Variants in SBF2 observed in about 807,000 individuals in gnomAD.
SBF2 encodes the protein SET binding factor 2, also known as myotubularin-related protein 13.
A neutral mutation model predicts 225.2 loss-of-function variants in SBF2; 112 were observed. That is an observed-to-expected ratio of 0.50 (90% CI 0.43 to 0.58). The LOEUF (loss-of-function observed/expected upper bound fraction) is 0.58. Ranked by LOEUF, SBF2 falls within the 20% of genes least tolerant of loss-of-function variation. The pLI is 0.00. For synonymous variants in SBF2, 763 were observed against 773.3 expected (o/e 0.99, Z 0.22); for missense variants, 1,996 against 2,206.2 (o/e 0.90, Z 1.91).
chr11:10,066,354 A>G (rs1214792279), intron 2 of SBF2, among the ~76,000 whole-genome samples: 2 of 151,152 alleles, frequency 1.3e-5, no homozygotes, highest in Admixed American at 6.6e-5. Flanking sequence ...CTATATATAT[A>G]TATCTTTTAT....
At chr11:10,072,303 A>T (rs1263428135) in intron 2 of SBF2, among the ~76,000 whole-genome samples, 2 of 152,192 alleles carry the variant, frequency 1.3e-5, no homozygotes, top group Admixed American at 6.5e-5. Context: ...CATGACTCAT[A>T]TCAAGGATTT....
chr11:9,927,470 T>A (rs1565014926), intron 16 of SBF2, among the ~76,000 whole-genome samples: 1 of 152,296 alleles, frequency 6.6e-6, no homozygotes, highest in African/African-American at 2.4e-5. Context: ...TGCAGTACTA[T>A]GTGCCTATAG....
At chr11:9,828,696 C>A in intron 28 of SBF2, 1 of 928,410 alleles carries the variant, frequency 1.1e-6, no homozygotes, top group South Asian at 5.0e-5. Context: ...ACAAATTGTA[C>A]TGAAAATCAT....
chr11:10,264,519 C>T (rs534563400), intron 1 of SBF2, among the ~76,000 whole-genome samples: 1 of 151,910 alleles, frequency 6.6e-6, no homozygotes, highest in South Asian at 2.1e-4. Flanking sequence ...GGTATTTTGC[C>T]AGGTACTACA....
chr11:9,802,660 A>G (rs536233004), intron 32 of SBF2, among the ~76,000 whole-genome samples: 1 of 152,350 alleles, frequency 6.6e-6, no homozygotes, highest in South Asian at 2.1e-4. Flanking sequence ...TAAAAGCCAG[A>G]GTCATGTAAA....
chr11:10,130,977 T>C (rs970553344), intron 2 of SBF2, among the ~76,000 whole-genome samples: 3 of 152,224 alleles, frequency 2.0e-5, no homozygotes, highest in South Asian at 2.1e-4. Flanking sequence ...TTTTGGGCCA[T>C]TGAAAATAAA....
chr11:10,047,352 A>G (rs1034917607), intron 2 of SBF2, among the ~76,000 whole-genome samples: 6 of 152,170 alleles, frequency 3.9e-5, no homozygotes, highest in Non-Finnish European at 8.8e-5. Context: ...GACTGACACT[A>G]CCAAACTTTG....
intron 1 of SBF2, among the ~76,000 whole-genome samples, chr11:10,265,246 T>G (rs1434739096): frequency 6.6e-6 from 1 of 152,140 alleles, no homozygotes; most frequent in East Asian, 1.9e-4. Flanking sequence ...AGCATTCTGT[T>G]GTTTCTTGAC....
intron 27 of SBF2, among the ~76,000 whole-genome samples, chr11:9,830,018 T>C (rs1855292486): frequency 6.6e-6 from 1 of 152,178 alleles, no homozygotes; most frequent in Non-Finnish European, 1.5e-5. Flanking sequence ...CTATAAAGAT[T>C]TGTAGAGGGA....
chr11:10,166,630 T>C (rs1955961181), intron 2 of SBF2, among the ~76,000 whole-genome samples: 1 of 151,992 alleles, frequency 6.6e-6, no homozygotes, highest in Non-Finnish European at 1.5e-5. Flanking sequence ...AGGGGGAAAA[T>C]CCCTGGTATC....
At chr11:9,947,341 C>CT (rs1865621652) in intron 16 of SBF2, among the ~76,000 whole-genome samples, 1 of 152,110 alleles carries the variant, frequency 6.6e-6, no homozygotes, top group Admixed American at 6.6e-5. Flanking sequence ...TATGACCGCT[C>CT]TAAAAGATAA....
intron 2 of SBF2, among the ~76,000 whole-genome samples, chr11:10,049,854 A>C (rs1187101510): frequency 6.6e-6 from 1 of 152,190 alleles, no homozygotes; most frequent in East Asian, 1.9e-4. Flanking sequence ...AAAGCCAAAA[A>C]TATCTTTCAA....
At chr11:9,967,974 TATATATATATATATATAAA>T (rs200491856) in intron 14 of SBF2, among the ~76,000 whole-genome samples, 2,607 of 87,188 alleles carry the variant, frequency 0.03, 107 homozygotes, top group Admixed American at 0.15. Flanking sequence ...TCTCTCTCTA[TATATATATATATATATAAA>T]ATATATATAT....
chr11:9,882,107 C>A (rs1358150580), intron 17 of SBF2, among the ~76,000 whole-genome samples: 1 of 152,170 alleles, frequency 6.6e-6, no homozygotes, highest in African/African-American at 2.4e-5. Context: ...AAAACAGTTA[C>A]TTAGTAAAGA....
chr11:9,925,518 C>T (rs754893311), intron 16 of SBF2, among the ~76,000 whole-genome samples: 96 of 152,286 alleles, frequency 6.3e-4, no homozygotes, highest in Non-Finnish European at 4.9e-4. Flanking sequence ...TCAGGTGATC[C>T]GCCCACCTGG....
intron 38 of SBF2, among the ~76,000 whole-genome samples, chr11:9,783,386 C>G (rs550633857): frequency 3.3e-4 from 50 of 152,328 alleles, no homozygotes; most frequent in Admixed American, 4.6e-4. Flanking sequence ...AGATGCAGGT[C>G]CAACCAAAGC....
intron 2 of SBF2, among the ~76,000 whole-genome samples, chr11:10,164,140 CATATTGTCACCATCTTGG>C: frequency 6.6e-6 from 1 of 152,292 alleles, no homozygotes; most frequent in South Asian, 2.1e-4. Flanking sequence ...CATTCCCACT[CATATTGTCACCATCTTGG>C]ATATTCCACA....
At chr11:9,940,591 A>G (rs979559637) in intron 16 of SBF2, among the ~76,000 whole-genome samples, 6 of 152,188 alleles carry the variant, frequency 3.9e-5, no homozygotes, top group African/African-American at 1.4e-4. Context: ...ATTTAAGTGT[A>G]TATTTTTTCC....
intron 32 of SBF2, among the ~76,000 whole-genome samples, chr11:9,799,104 A>G (rs1026758443): frequency 2.6e-5 from 4 of 152,220 alleles, no homozygotes; most frequent in African/African-American, 4.8e-5. Flanking sequence ...CTACTCAGGA[A>G]TACAATTTTG....
Sources: allele counts gnomAD v4.1 joint callset (sites outside exome capture counted in the v4.1 genomes callset), GRCh38; gene constraint gnomAD v4.1.1; transcripts MANE v1.5; gene names NCBI Gene and HGNC (gene_info 2026-07-23, HGNC 2026-07-21).